The following EYS variants were observed in gnomAD, a reference collection of about 807,000 sequenced individuals.
EYS encodes EGF-like photoreceptor maintenance factor, also known as protein eyes shut homolog.
In EYS, 250 loss-of-function variants were observed where a neutral mutation model predicts 282.1. That is an observed-to-expected ratio of 0.89 (90% CI 0.80 to 0.98). EYS has a LOEUF of 0.98. Ranked by LOEUF, EYS falls within the 50% of genes least tolerant of loss-of-function variation. The pLI is 0.00. For missense variants in EYS, 4,016 were observed against 3,709.0 expected, an observed-to-expected ratio of 1.08 and a Z score of -2.15; for synonymous variants, 1,355 against 1,282.9, an observed-to-expected ratio of 1.06 and a Z score of -1.20.
At chr6:64,203,027 T>A (rs953102648) in intron 31 of EYS, among the ~76,000 whole-genome samples, 1 of 152,212 alleles carries the variant, frequency 6.6e-6, no homozygotes, top group Non-Finnish European at 1.5e-5. Flanking sequence ...CAGATACTAA[T>A]ACAGAGTCAA....
Position 65,003,704 on chromosome 6 carries a change from C to G in EYS, c.2138-6001G>C, listed in dbSNP as rs530393972. Among the ~76,000 whole-genome samples the G allele has an allele frequency of 6.8e-5, 10 of 147,132 alleles. 2 individuals carry two copies. The highest frequency in any genetic ancestry group is 6.8e-4 in the Admixed American group (10 of 14,754). On this transcript the variant is annotated intron_variant, in intron 13 of 42. Transcript: ENST00000503581. ...TTTTGTACTCTGTCCCTTTATTTCT[C>G]AAGCCGGCCGGCACTTAAGGAAAAT...
intron 31 of EYS, among the ~76,000 whole-genome samples, chr6:64,184,606 C>T (rs1187323007): frequency 6.8e-6 from 1 of 146,368 alleles, no homozygotes; most frequent in African/African-American, 2.5e-5. Flanking sequence ...TTTTTCTCTT[C>T]TGGAAGGCTA....
intron 26 of EYS, among the ~76,000 whole-genome samples, chr6:64,585,160 C>T (rs1366496298): frequency 2.0e-5 from 3 of 152,000 alleles, no homozygotes; most frequent in Non-Finnish European, 4.4e-5. Context: ...AAATCATGTC[C>T]TTGGCAGCAA....
chr6:64,193,672 C>T (rs915774767), intron 31 of EYS, among the ~76,000 whole-genome samples: 6 of 151,976 alleles, frequency 3.9e-5, no homozygotes, highest in African/African-American at 7.3e-5. Flanking sequence ...AATGACAGGC[C>T]CTGGTGTGTG....
intron 12 of EYS, among the ~76,000 whole-genome samples, chr6:65,093,808 A>C (rs1044243048): frequency 3.3e-5 from 5 of 151,838 alleles, no homozygotes; most frequent in Non-Finnish European, 1.5e-5. Context: ...AAATGAATTA[A>C]ACTTCACAAT....
At chr6:65,422,174 G>A (rs1473588602) in intron 5 of EYS, among the ~76,000 whole-genome samples, 2 of 151,858 alleles carry the variant, frequency 1.3e-5, no homozygotes, top group East Asian at 3.9e-4. Flanking sequence ...ATTTAACTTT[G>A]AAATAACTAA....
At chr6:65,662,737 A>C (rs2149826673) in intron 1 of EYS, among the ~76,000 whole-genome samples, 1 of 152,326 alleles carries the variant, frequency 6.6e-6, no homozygotes, top group African/African-American at 2.4e-5. Flanking sequence ...CTAAAATTTT[A>C]AGGTTTATCT....
At chr6:65,403,546 T>C (rs931855626) in intron 6 of EYS, among the ~76,000 whole-genome samples, 3 of 151,934 alleles carry the variant, frequency 2.0e-5, no homozygotes, top group African/African-American at 7.3e-5. Context: ...ATTTATTTAA[T>C]TTAACCCAAA....
At chr6:64,849,012 G>A (rs558539888) in intron 19 of EYS, among the ~76,000 whole-genome samples, 29 of 152,050 alleles carry the variant, frequency 1.9e-4, no homozygotes, top group African/African-American at 6.5e-4. Context: ...AGGTAGTGAA[G>A]CTTTTAAAAT....
intron 40 of EYS, among the ~76,000 whole-genome samples, chr6:63,776,893 CT>C (rs779995680): frequency 1.8e-4 from 28 of 152,252 alleles, no homozygotes; most frequent in Middle Eastern, 6.8e-3. Flanking sequence ...GACTACAACT[CT>C]TTAGATAAAG....
chr6:65,212,713 A>T (rs1343837926), intron 12 of EYS, among the ~76,000 whole-genome samples: 4 of 152,130 alleles, frequency 2.6e-5, no homozygotes, highest in Non-Finnish European at 4.4e-5. Flanking sequence ...TTTAGAAAAT[A>T]AGGAGAGATG....
chr6:64,190,225 C>A (rs961777471), intron 31 of EYS, among the ~76,000 whole-genome samples: 2 of 152,120 alleles, frequency 1.3e-5, no homozygotes, highest in South Asian at 4.1e-4. Flanking sequence ...TGAAACTGTA[C>A]CCTCAGGGTG....
chr6:65,480,950 T>C (rs562774276), intron 5 of EYS, among the ~76,000 whole-genome samples: 3 of 152,238 alleles, frequency 2.0e-5, no homozygotes, highest in South Asian at 4.1e-4. Context: ...GAGTATTAGA[T>C]GCTGGGAAGG....
At chr6:64,049,877 A>T (rs1770750339) in intron 33 of EYS, among the ~76,000 whole-genome samples, 1 of 152,288 alleles carries the variant, frequency 6.6e-6, no homozygotes, top group African/African-American at 2.4e-5. Flanking sequence ...CATGTGCAGC[A>T]GCCTGTGACA....
intron 41 of EYS, among the ~76,000 whole-genome samples, chr6:63,729,340 A>G (rs1386584495): frequency 6.6e-6 from 1 of 151,852 alleles, no homozygotes. Flanking sequence ...TAATTTATCA[A>G]TTTTTTTCTT....
Position 65,098,287 on chromosome 6 carries a change from G to A in EYS, c.2024-40560C>T, listed in dbSNP as rs568005624. Among the ~76,000 whole-genome samples, 16 of 150,714 alleles carry A rather than the reference G, an allele frequency of 1.1e-4. No homozygotes were observed. In the South Asian group the frequency reaches 1.3e-3, roughly 12 times the overall value. ...ATTTTCTTTGAGTAAAAGGGTTAGC[G>A]CACAGATATTTGTAACTTTGGAGAT... is the stretch of plus-strand genomic sequence containing the variant. On this transcript the variant is annotated intron_variant, in intron 12 of 42. Transcript: ENST00000503581.
chr6:64,115,928 A>C (rs956308927), intron 31 of EYS, among the ~76,000 whole-genome samples: 1 of 152,268 alleles, frequency 6.6e-6, no homozygotes, highest in Middle Eastern at 3.4e-3. Flanking sequence ...CAATGGCAAA[A>C]CCCACAATTA....
At chr6:65,039,010 A>G (rs1772851468) in intron 13 of EYS, among the ~76,000 whole-genome samples, 1 of 151,464 alleles carries the variant, frequency 6.6e-6, no homozygotes, top group Non-Finnish European at 1.5e-5. Flanking sequence ...TTGGTGAGCA[A>G]AAATTTTAAA....
At chr6:64,213,499 G>GT (rs1765845032) in intron 31 of EYS, among the ~76,000 whole-genome samples, 1 of 152,100 alleles carries the variant, frequency 6.6e-6, no homozygotes, top group African/African-American at 2.4e-5. Flanking sequence ...GTATAAGACT[G>GT]TATAAGTGTT....
Sources: gnomAD v4.1 joint callset for allele counts (sites outside exome capture counted in the v4.1 genomes callset) on GRCh38, gnomAD v4.1.1 for gene constraint, MANE v1.5 for transcripts, NCBI Gene and HGNC (gene_info 2026-07-23, HGNC 2026-07-21) for gene names.